Variants in GPC5 observed in about 807,000 individuals in gnomAD.
GPC5 encodes the protein glypican 5.
A neutral mutation model predicts 53.9 loss-of-function variants in GPC5; 47 were observed. The observed-to-expected ratio is 0.87, with a 90% CI of 0.69 to 1.11. The LOEUF (loss-of-function observed/expected upper bound fraction) is 1.11, where lower values mean the gene tolerates loss of function less well. Ranked by LOEUF, GPC5 falls within the 50% of genes most tolerant of loss-of-function variation. The pLI, the probability that GPC5 is intolerant of heterozygous loss-of-function variation, is 0.00. For missense variants in GPC5, 748 were observed against 713.1 expected, an observed-to-expected ratio of 1.05 and a Z score of -0.56; for synonymous variants, 286 against 263.3, an observed-to-expected ratio of 1.09 and a Z score of -0.84.
At chr13:92,770,567 CTA>C (rs1489855500) in intron 7 of GPC5, among the ~76,000 whole-genome samples, 1 of 152,020 alleles carries the variant, frequency 6.6e-6, no homozygotes, top group Non-Finnish European at 1.5e-5. Context: ...TTGAGATTTC[CTA>C]TGTTTTACAT....
At chr13:91,455,132 T>C (rs1211649183) in intron 2 of GPC5, among the ~76,000 whole-genome samples, 1 of 152,018 alleles carries the variant, frequency 6.6e-6, no homozygotes, top group Admixed American at 6.6e-5. Context: ...GATATTTTAA[T>C]AATTTGTAAC....
At chr13:92,198,371 A>G (rs371449955) in intron 7 of GPC5, among the ~76,000 whole-genome samples, 1 of 152,156 alleles carries the variant, frequency 6.6e-6, no homozygotes, top group South Asian at 2.1e-4. Context: ...AGGTTGGTTG[A>G]TACCTCATTG....
At chr13:91,583,423 T>C (rs534185995) in intron 2 of GPC5, among the ~76,000 whole-genome samples, 1 of 152,278 alleles carries the variant, frequency 6.6e-6, no homozygotes, top group East Asian at 1.9e-4. Context: ...CAAGAATATA[T>C]GCCAAGACCG....
chr13:91,408,588 T>C (rs182743013), intron 1 of GPC5, among the ~76,000 whole-genome samples: 50 of 152,306 alleles, frequency 3.3e-4, no homozygotes, highest in East Asian at 2.1e-3. Context: ...AAATTTTACT[T>C]AAGTAGAAAG....
At chr13:91,555,201 A>G (rs140028934) in intron 2 of GPC5, among the ~76,000 whole-genome samples, 49 of 152,184 alleles carry the variant, frequency 3.2e-4, no homozygotes, top group Non-Finnish European at 5.3e-4. Flanking sequence ...ATATTGATTG[A>G]TACAGCCAAG....
chr13:91,448,387 C>T (rs995096860), intron 1 of GPC5, among the ~76,000 whole-genome samples: 4 of 152,190 alleles, frequency 2.6e-5, no homozygotes, highest in African/African-American at 9.6e-5. Flanking sequence ...TTTTAGTCCA[C>T]ATAATTATCT....
At chr13:91,576,453 C>A (rs1394462772) in intron 2 of GPC5, among the ~76,000 whole-genome samples, 1 of 151,934 alleles carries the variant, frequency 6.6e-6, no homozygotes, top group Non-Finnish European at 1.5e-5. Flanking sequence ...ATAAACACAA[C>A]TAAAACAACT....
intron 7 of GPC5, among the ~76,000 whole-genome samples, chr13:92,221,057 C>G (rs1324852240): frequency 6.6e-6 from 1 of 152,094 alleles, no homozygotes. Flanking sequence ...ATAGAAAACA[C>G]CCAGCCTTCT....
intron 7 of GPC5, among the ~76,000 whole-genome samples, chr13:92,590,792 A>C (rs1009585896): frequency 3.3e-5 from 5 of 152,162 alleles, no homozygotes; most frequent in African/African-American, 1.2e-4. Context: ...TTTATTGAGC[A>C]CTTTCCATTT....
chr13:91,680,404 G>A (rs951753742), intron 2 of GPC5, among the ~76,000 whole-genome samples: 4 of 152,126 alleles, frequency 2.6e-5, no homozygotes, highest in African/African-American at 7.2e-5. Context: ...AGCAAAGATC[G>A]CAACACTGCA....
At chr13:92,862,790 C>A (rs1384195550) in intron 7 of GPC5, among the ~76,000 whole-genome samples, 1 of 152,142 alleles carries the variant, frequency 6.6e-6, no homozygotes, top group Non-Finnish European at 1.5e-5. Context: ...AGCAAATTAA[C>A]AATGTATACG....
At chr13:91,738,817 A>G (rs1167687884) in intron 4 of GPC5, among the ~76,000 whole-genome samples, 2 of 151,018 alleles carry the variant, frequency 1.3e-5, no homozygotes, top group African/African-American at 4.9e-5. Flanking sequence ...TTTTTATGCT[A>G]TTTTACCAAC....
At chr13:92,330,395 G>A (rs1042040283) in intron 7 of GPC5, among the ~76,000 whole-genome samples, 1 of 152,054 alleles carries the variant, frequency 6.6e-6, no homozygotes, top group African/African-American at 2.4e-5. Context: ...AGCAGGTTGG[G>A]CCTTCATTTA....
At chr13:91,698,977 C>T (rs925349796) in intron 3 of GPC5, among the ~76,000 whole-genome samples, 1 of 152,226 alleles carries the variant, frequency 6.6e-6, no homozygotes, top group African/African-American at 2.4e-5. Flanking sequence ...TTTACAGCTC[C>T]TGTGATGCCA....
Position 92,169,247 on chromosome 13 carries a change from G to C in GPC5, c.1561+24258G>C, listed in dbSNP as rs538674239. On this transcript the variant is annotated intron_variant, in intron 7 of 7. Coordinates refer to ENST00000377067, the MANE Select transcript of GPC5 (RefSeq NM_004466.6). ...AATGCATGCTGGGCTTAATACGTAG[G>C]TGATGGGTTGATAGGTGCAGCAAAC... Among the ~76,000 whole-genome samples, 3 of 152,280 alleles carry C rather than the reference G, an allele frequency of 2.0e-5. No homozygotes were observed. In the East Asian group the frequency reaches 5.8e-4, roughly 29 times the overall value.
chr13:91,659,279 G>T (rs559680768), intron 2 of GPC5, among the ~76,000 whole-genome samples: 1 of 152,284 alleles, frequency 6.6e-6, no homozygotes, highest in South Asian at 2.1e-4. Context: ...AGCCAATAGG[G>T]AGCTTGGTGA....
At chr13:92,038,220 C>T (rs1035393321) in intron 6 of GPC5, among the ~76,000 whole-genome samples, 23 of 151,870 alleles carry the variant, frequency 1.5e-4, no homozygotes, top group Admixed American at 3.3e-4. Context: ...CACCCAGGTG[C>T]GACTACTGTG....
intron 7 of GPC5, among the ~76,000 whole-genome samples, chr13:92,250,228 A>G (rs1189309450): frequency 6.6e-6 from 1 of 152,122 alleles, no homozygotes; most frequent in Non-Finnish European, 1.5e-5. Context: ...CCAGATGTGT[A>G]TGGCTTTTTA....
chr13:92,434,223 G>A (rs1215132849), intron 7 of GPC5, among the ~76,000 whole-genome samples: 1 of 152,092 alleles, frequency 6.6e-6, no homozygotes, highest in African/African-American at 2.4e-5. Context: ...TTTCTAATGT[G>A]CAAGCCTAAA....
Sources: gnomAD v4.1 joint callset for allele counts (sites outside exome capture counted in the v4.1 genomes callset) on GRCh38, gnomAD v4.1.1 for gene constraint, MANE v1.5 for transcripts, NCBI Gene and HGNC (gene_info 2026-07-23, HGNC 2026-07-21) for gene names.